The following GSS variants were observed in gnomAD, a reference collection of about 807,000 sequenced individuals.
GSS encodes GSH synthetase.
A neutral mutation model predicts 60.4 loss-of-function variants in GSS; 34 were observed. The observed-to-expected ratio is 0.56, with a 90% CI of 0.43 to 0.75. The LOEUF (loss-of-function observed/expected upper bound fraction) is 0.75. GSS is among the 30% of genes least tolerant of loss of function. GSS has a pLI of 0.00. For synonymous variants in GSS, 224 were observed against 239.0 expected, an observed-to-expected ratio of 0.94 and a Z score of 0.58; for missense variants, 499 against 595.1, an observed-to-expected ratio of 0.84 and a Z score of 1.68.
chr20:34,947,104 T>C (rs879200172), intron 2 of GSS, among the ~76,000 whole-genome samples: 1 of 152,186 alleles, frequency 6.6e-6, no homozygotes, highest in East Asian at 1.9e-4. Context: ...ATTTTTTTTT[T>C]TGAGGTAGAG....
At chr20:34,952,248 G>T (rs1569019209) in intron 1 of GSS, 1 of 313,220 alleles carries the variant, frequency 3.2e-6, no homozygotes. Flanking sequence ...AATATCAGAT[G>T]TGACTGGGGC....
Position 34,946,204 on chromosome 20 carries a change from A to G in GSS, c.130-106T>C, listed in dbSNP as rs1032026542. On this transcript the variant is annotated intron_variant, in intron 2 of 12. Transcript: ENST00000651619. ...AGTCTGGCCTATATTTACTGAGGAC[A>G]CACCAACTGTAGATTAGTGGTTACC... 7.9e-6 allele frequency: 7 copies of G among 889,152 alleles called. No individual in the cohort carries two copies. In the African/African-American group the frequency reaches 9.9e-5, roughly 13 times the overall value. 55.1% of individuals were successfully genotyped at this position (889,152 alleles called of 1,614,324 possible).
chr20:34,952,075 C>G, intron 1 of GSS: 2 of 600,700 alleles, frequency 3.3e-6, no homozygotes, highest in Admixed American at 5.0e-5. Context: ...CATTGCCACT[C>G]TCTCTTTTGA....
intron 3 of GSS, among the ~76,000 whole-genome samples, chr20:34,943,795 T>C (rs754031633): frequency 1.3e-5 from 2 of 152,208 alleles, no homozygotes; most frequent in African/African-American, 2.4e-5. Context: ...ATGAAGGTAA[T>C]GGCTGTGTCT....
chr20:34,929,371 A>G (rs368148990), intron 12 of GSS, 30 bp downstream of exon 12: 17 of 1,575,434 alleles, frequency 1.1e-5, no homozygotes, highest in Non-Finnish European at 1.4e-5. Flanking sequence ...GCAAGCAGGT[A>G]GTGGAAAGAG....
chr20:34,951,170 G>A (rs1022920600), intron 2 of GSS, among the ~76,000 whole-genome samples: 9 of 152,136 alleles, frequency 5.9e-5, no homozygotes, highest in Admixed American at 1.3e-4. Flanking sequence ...GCCTCAGAAT[G>A]AAGATGACCC....
intron 6 of GSS, among the ~76,000 whole-genome samples, chr20:34,939,684 T>C (rs1323758472): frequency 1.3e-5 from 2 of 151,574 alleles, no homozygotes; most frequent in African/African-American, 2.4e-5. Flanking sequence ...TTTTTTTTTT[T>C]TTTGAGATGG....
chr20:34,944,574 A>T (rs1405161154), intron 3 of GSS, among the ~76,000 whole-genome samples: 1 of 152,216 alleles, frequency 6.6e-6, no homozygotes, highest in Non-Finnish European at 1.5e-5. Context: ...AAATTAATCA[A>T]AGACATGCAA....
chr20:34,941,601 T>A, intron 6 of GSS, 112 bp downstream of exon 6: 1 of 752,258 alleles, frequency 1.3e-6, no homozygotes. Context: ...AAGTTTCTAT[T>A]CCTAGAAAAA....
intron 4 of GSS, 37 bp from the exon 5 acceptor site, chr20:34,942,664 GGGA>G (rs2081493482): frequency 6.2e-7 from 1 of 1,609,992 alleles, no homozygotes; most frequent in Admixed American, 1.7e-5. Flanking sequence ...TACCTGCCCA[GGGA>G]CTGACTCTGA....
At chr20:34,951,385 G>A in intron 2 of GSS, 1 of 306,210 alleles carries the variant, frequency 3.3e-6, no homozygotes, top group Non-Finnish European at 6.2e-6. Context: ...GGGGTTTTCA[G>A]TAATAGCTCA....
At chr20:34,929,319 C>A in intron 12 of GSS, 82 bp downstream of exon 12, 1 of 1,152,332 alleles carries the variant, frequency 8.7e-7, no homozygotes, top group Non-Finnish European at 1.3e-6. Context: ...CTGACTCTTT[C>A]CAGTGTTCCC....
intron 2 of GSS, 89 bp downstream of exon 2, chr20:34,951,635 G>C (rs1248581234): frequency 4.3e-6 from 6 of 1,390,174 alleles, no homozygotes; most frequent in East Asian, 5.0e-5. Context: ...AAAGAGATAT[G>C]GTCCCTGATG....
chr20:34,934,369 C>T (rs981443981), intron 9 of GSS, among the ~76,000 whole-genome samples: 8 of 151,390 alleles, frequency 5.3e-5, no homozygotes, highest in East Asian at 4.0e-4. Context: ...CTCTGCCTCC[C>T]GGGCTCAAGC....
chr20:34,951,503 C>T (rs1255438504), intron 2 of GSS: 4 of 561,146 alleles, frequency 7.1e-6, no homozygotes, highest in Admixed American at 3.1e-5. Context: ...CAGCTGAGAG[C>T]GGTTAAGTAA....
Position 34,928,717 on chromosome 20 carries a change from A to G in GSS, c.*111T>C. On this transcript the variant is annotated 3_prime_UTR_variant, in exon 13 of 13. Transcript: ENST00000651619. ...TGGAAAGCTGGGGGAAGGTACCAGTATTTACCCTTCCATAAAAACTTTGGA... is the reference window on the plus strand; with the variant it reads ...TGGAAAGCTGGGGGAAGGTACCAGTGTTTACCCTTCCATAAAAACTTTGGA... 5 of 1,224,676 alleles carry G rather than the reference A, an allele frequency of 4.1e-6. No individual in the cohort carries two copies. The highest frequency in any genetic ancestry group is 5.9e-6 in the Non-Finnish European group (5 of 841,866). The allele number at this position is 1,224,676 out of a possible 1,614,324, so 75.9% of individuals were successfully genotyped here. A position where few individuals can be genotyped will look rare whatever the true frequency, so the allele number is the denominator to read the frequency against.
chr20:34,940,182 G>A (rs1353214669), intron 6 of GSS, among the ~76,000 whole-genome samples: 1 of 152,102 alleles, frequency 6.6e-6, no homozygotes, highest in Non-Finnish European at 1.5e-5. Flanking sequence ...CTCACAATGG[G>A]GGAAGCCAGT....
intron 3 of GSS, among the ~76,000 whole-genome samples, chr20:34,944,208 G>T (rs543096686): frequency 2.0e-5 from 3 of 152,308 alleles, no homozygotes; most frequent in Non-Finnish European, 4.4e-5. Context: ...TTCATGTTTT[G>T]TAGGGGGCTC....
intron 6 of GSS, among the ~76,000 whole-genome samples, chr20:34,938,563 C>T (rs781394165): frequency 2.0e-5 from 3 of 152,080 alleles, no homozygotes; most frequent in Admixed American, 6.6e-5. Flanking sequence ...TAAACTGTCC[C>T]GCTCATGGGT....
Sources: gnomAD v4.1 joint callset for allele counts (sites outside exome capture counted in the v4.1 genomes callset) on GRCh38, gnomAD v4.1.1 for gene constraint, MANE v1.5 for transcripts, NCBI Gene and HGNC (gene_info 2026-07-23, HGNC 2026-07-21) for gene names.